Variants in MON2 observed in about 807,000 individuals in gnomAD.
MON2 encodes MON2 regulator of endosome-to-Golgi trafficking, also known as protein MON2 homolog.
Under a neutral mutation model 208.6 loss-of-function variants are expected in MON2, and 84 were observed. The observed-to-expected ratio is 0.40, with a 90% CI of 0.34 to 0.48. The LOEUF (loss-of-function observed/expected upper bound fraction) is 0.48. MON2 is among the 20% of genes least tolerant of loss of function. MON2 has a pLI of 0.59. For synonymous variants in MON2, 660 were observed against 694.0 expected (o/e 0.95, Z 0.77); for missense variants, 1,611 against 2,015.4 (o/e 0.80, Z 3.84).
At chr12:62,501,826 C>G (rs2070849012) in intron 7 of MON2, 128 bp downstream of exon 7, 5 of 974,426 alleles carry the variant, frequency 5.1e-6, no homozygotes, top group East Asian at 2.6e-5. Context: ...TGGTTCATGC[C>G]TGTAATTGCA....
At chr12:62,535,149 T>C (rs2072908713) in intron 13 of MON2, among the ~76,000 whole-genome samples, 1 of 152,186 alleles carries the variant, frequency 6.6e-6, no homozygotes, top group South Asian at 2.1e-4. Context: ...GTCCTAAAAT[T>C]ACAGAATGCC....
intron 8 of MON2, among the ~76,000 whole-genome samples, chr12:62,513,438 C>T (rs1044925760): frequency 4.6e-5 from 7 of 151,928 alleles, no homozygotes; most frequent in African/African-American, 1.7e-4. Context: ...GTTGGCCAGG[C>T]TGGTCTTGAA....
At chr12:62,566,299 C>T in intron 28 of MON2, 23 bp from the exon 29 acceptor site, 2 of 1,596,020 alleles carry the variant, frequency 1.3e-6, no homozygotes, top group Non-Finnish European at 1.7e-6. Context: ...TTTTTAACTG[C>T]ATGTGAAAAT....
At chr12:62,500,919 T>C (rs765261267) in intron 6 of MON2, 39 bp downstream of exon 6, 21 of 1,261,140 alleles carry the variant, frequency 1.7e-5, no homozygotes, top group South Asian at 2.9e-5. Context: ...TTCTAAAATA[T>C]AGTTTTGTGT....
At chr12:62,470,880 G>A (rs2068757519) in intron 1 of MON2, 3 of 337,222 alleles carry the variant, frequency 8.9e-6, no homozygotes, top group Non-Finnish European at 1.3e-5. Flanking sequence ...TAGTAACATT[G>A]CCTTGACAGT....
intron 24 of MON2, 198 bp downstream of exon 24, chr12:62,553,372 T>C (rs1020149804): frequency 6.0e-6 from 3 of 499,164 alleles, no homozygotes; most frequent in South Asian, 7.3e-5. Flanking sequence ...CTTATCTCTG[T>C]TTCTGTCTTC....
At chr12:62,587,988 T>C (rs2075272956) in intron 33 of MON2, 86 bp from the exon 34 acceptor site, 2 of 787,046 alleles carry the variant, frequency 2.5e-6, no homozygotes, top group Non-Finnish European at 4.3e-6. Flanking sequence ...CAAAAGTTCA[T>C]CTATTTGTAC....
chr12:62,500,269 T>G (rs1049800619), intron 5 of MON2, among the ~76,000 whole-genome samples: 3 of 152,140 alleles, frequency 2.0e-5, no homozygotes, highest in African/African-American at 7.2e-5. Context: ...GAGAATGATA[T>G]TTTTTACTAG....
chr12:62,570,871 A>G (rs2074572149), intron 29 of MON2, among the ~76,000 whole-genome samples: 1 of 151,230 alleles, frequency 6.6e-6, no homozygotes, highest in Non-Finnish European at 1.5e-5. Flanking sequence ...AGCTGGGACT[A>G]TAGGCACGTG....
chr12:62,533,064 A>G (rs2072732830), intron 12 of MON2, among the ~76,000 whole-genome samples: 1 of 152,190 alleles, frequency 6.6e-6, no homozygotes, highest in Admixed American at 6.5e-5. Context: ...CCATGTCTCA[A>G]CTTGGAAGTT....
In MON2 at chr12:62,599,356, C is replaced by G. The variant is rs1280445913; in HGVS notation, c.*6607C>G. 1 of 151,950 alleles carries G rather than the reference C, an allele frequency of 6.6e-6. No individual in the cohort carries two copies. The highest frequency in any genetic ancestry group is 2.4e-5 in the African/African-American group (1 of 41,380). The allele number at this position is 151,950 out of a possible 1,614,324, so 9.4% of individuals were successfully genotyped here. A position where few individuals can be genotyped will look rare whatever the true frequency, so the allele number is the denominator to read the frequency against. ...GTGAAGCTGTTTTGAAACTGCCTGT[C>G]CATATCAATGCCAGACTATCTCTCT... On this transcript the variant is annotated 3_prime_UTR_variant, in exon 35 of 35. Transcript: ENST00000393630.
chr12:62,486,581 G>A (rs1402313156), intron 2 of MON2, among the ~76,000 whole-genome samples: 1 of 152,046 alleles, frequency 6.6e-6, no homozygotes, highest in African/African-American at 2.4e-5. Flanking sequence ...CCTAAAAGTT[G>A]TAGATTTATA....
In MON2 at chr12:62,536,727, G is replaced by A. The variant is rs144823653; in HGVS notation, c.1901-424G>A. Among the ~76,000 whole-genome samples, 212 of 148,254 alleles carry A rather than the reference G, an allele frequency of 1.4e-3. 3 individuals carry two copies. Among genetic ancestry groups the A allele is most frequent in the African/African-American group, 4.9e-3 (193 of 39,686 alleles). ...TTTTTTGAGACAGAGTCACTCTGTCGCTCAGCCTAGAGTGCAGTGACCCAG... is the reference window on the plus strand; with the variant it reads ...TTTTTTGAGACAGAGTCACTCTGTCACTCAGCCTAGAGTGCAGTGACCCAG... On this transcript the variant is annotated intron_variant, in intron 14 of 34. Coordinates refer to ENST00000393630, the MANE Select transcript of MON2 (RefSeq NM_015026.3).
intron 22 of MON2, among the ~76,000 whole-genome samples, chr12:62,548,240 A>G (rs931698672): frequency 1.3e-5 from 2 of 152,174 alleles, no homozygotes; most frequent in African/African-American, 4.8e-5. Flanking sequence ...TAAGAGATGG[A>G]TTTGAGCTAC....
intron 2 of MON2, among the ~76,000 whole-genome samples, chr12:62,485,668 G>C (rs2069729563): frequency 6.6e-6 from 1 of 152,130 alleles, no homozygotes; most frequent in Admixed American, 6.5e-5. Context: ...GCACATGGTA[G>C]GGTTAGGAAG....
At chr12:62,537,127 T>G in intron 14 of MON2, 24 bp from the exon 15 acceptor site, 1 of 1,365,906 alleles carries the variant, frequency 7.3e-7, no homozygotes, top group Non-Finnish European at 1.0e-6. Context: ...ATTTTAATTA[T>G]TTAGGCTTTC....
chr12:62,485,938 G>A (rs1190772252), intron 2 of MON2, among the ~76,000 whole-genome samples: 1 of 152,142 alleles, frequency 6.6e-6, no homozygotes, highest in Non-Finnish European at 1.5e-5. Context: ...TCCTGACCTC[G>A]GGGTTCTCCC....
intron 7 of MON2, among the ~76,000 whole-genome samples, chr12:62,505,601 G>A (rs1217577468): frequency 6.6e-6 from 1 of 151,970 alleles, no homozygotes; most frequent in Non-Finnish European, 1.5e-5. Context: ...CAGAGATCTG[G>A]TAGGCGCAGT....
intron 32 of MON2, among the ~76,000 whole-genome samples, chr12:62,583,974 A>C (rs2075101382): frequency 1.4e-5 from 2 of 147,034 alleles, no homozygotes; most frequent in Non-Finnish European, 3.0e-5. Flanking sequence ...AAAAAAAAAA[A>C]CAAAAAAAAA....
Sources: allele counts gnomAD v4.1 joint callset (sites outside exome capture counted in the v4.1 genomes callset), GRCh38; gene constraint gnomAD v4.1.1; transcripts MANE v1.5; gene names NCBI Gene and HGNC (gene_info 2026-07-23, HGNC 2026-07-21).